Variants in WDR47 observed in about 807,000 individuals in gnomAD.
WDR47 encodes the protein WD repeat domain 47, also known as WD repeat-containing protein 47.
WDR47 carries 32 observed loss-of-function variants against 97.2 expected under a neutral mutation model. That is an observed-to-expected ratio of 0.33 (90% CI 0.25 to 0.44). The LOEUF (loss-of-function observed/expected upper bound fraction) is 0.44. WDR47 is among the 20% of genes least tolerant of loss of function. The pLI is 1.00. For missense variants in WDR47, 782 were observed against 1,102.3 expected, an observed-to-expected ratio of 0.71 and a Z score of 4.11; for synonymous variants, 375 against 373.5, an observed-to-expected ratio of 1.00 and a Z score of -0.05.
intron 4 of WDR47, 88 bp from the exon 5 acceptor site, chr1:109,011,806 T>C (rs560118709): frequency 3.2e-6 from 4 of 1,242,938 alleles, no homozygotes; most frequent in Middle Eastern, 2.9e-4. Flanking sequence ...GAATAAATTA[T>C]ATTGCCACAG....
chr1:109,001,450 A>G (rs1039643007), intron 7 of WDR47, among the ~76,000 whole-genome samples: 2 of 152,230 alleles, frequency 1.3e-5, no homozygotes, highest in Non-Finnish European at 2.9e-5. Flanking sequence ...ATCAAAAAAA[A>G]TCTGTAGGTT....
intron 7 of WDR47, among the ~76,000 whole-genome samples, chr1:108,996,537 T>C (rs978924616): frequency 2.0e-5 from 3 of 152,218 alleles, no homozygotes; most frequent in Non-Finnish European, 2.9e-5. Flanking sequence ...TCCATCTGTC[T>C]TGAGTAGTAT....
intron 2 of WDR47, among the ~76,000 whole-genome samples, chr1:109,021,686 C>T (rs1661852915): frequency 6.6e-6 from 1 of 151,844 alleles, no homozygotes; most frequent in African/African-American, 2.4e-5. Context: ...ACCACTATGC[C>T]CAGCTAATTT....
At chr1:109,001,638 C>T (rs2101901232) in intron 7 of WDR47, among the ~76,000 whole-genome samples, 1 of 152,182 alleles carries the variant, frequency 6.6e-6, no homozygotes, top group Admixed American at 6.5e-5. Flanking sequence ...GCCTGTAATT[C>T]CTGCACTTTG....
intron 7 of WDR47, among the ~76,000 whole-genome samples, chr1:108,996,387 A>AT (rs1659750188): frequency 2.0e-5 from 3 of 152,308 alleles, no homozygotes; most frequent in African/African-American, 7.2e-5. Flanking sequence ...AGCTTTTACA[A>AT]TAAAAACAGA....
intron 3 of WDR47, 150 bp from the exon 4 acceptor site, chr1:109,014,075 A>G: frequency 1.8e-6 from 1 of 558,020 alleles, no homozygotes; most frequent in Non-Finnish European, 3.1e-6. Context: ...AAGTTCAGTC[A>G]CAAGTAATCA....
intron 13 of WDR47, among the ~76,000 whole-genome samples, chr1:108,981,177 G>A (rs1392709780): frequency 6.6e-6 from 1 of 151,878 alleles, no homozygotes; most frequent in Non-Finnish European, 1.5e-5. Flanking sequence ...ACAGTACATG[G>A]AACAATCCAA....
At chr1:108,999,068 A>G (rs933091932) in intron 7 of WDR47, among the ~76,000 whole-genome samples, 1 of 152,150 alleles carries the variant, frequency 6.6e-6, no homozygotes, top group African/African-American at 2.4e-5. Context: ...TCTACTAAAA[A>G]TACAAAAAAT....
intron 9 of WDR47, among the ~76,000 whole-genome samples, chr1:108,987,740 T>G (rs1658950307): frequency 6.6e-6 from 1 of 151,622 alleles, no homozygotes; most frequent in African/African-American, 2.4e-5. Flanking sequence ...AGTGCTGGGA[T>G]TACAGGCATG....
intron 7 of WDR47, among the ~76,000 whole-genome samples, chr1:108,997,785 G>A (rs928889521): frequency 2.7e-5 from 4 of 150,496 alleles, no homozygotes; most frequent in Non-Finnish European, 4.4e-5. Context: ...AAGAAAGAAG[G>A]AAGGAAAGGA....
At chr1:109,004,832 G>T (rs1660474256) in intron 5 of WDR47, 117 bp from the exon 6 acceptor site, 1 of 1,262,302 alleles carries the variant, frequency 7.9e-7, no homozygotes, top group Non-Finnish European at 1.0e-6. Flanking sequence ...GTCTCTCTCT[G>T]TAGCCCCGAC....
intron 14 of WDR47, 73 bp from the exon 15 acceptor site, chr1:108,971,645 C>CT: frequency 6.5e-7 from 1 of 1,528,944 alleles, no homozygotes; most frequent in Non-Finnish European, 8.9e-7. Context: ...CTTCCTGTTA[C>CT]TTTAAGACAT....
At chr1:108,972,333 C>T (rs1190879059) in intron 14 of WDR47, among the ~76,000 whole-genome samples, 1 of 152,050 alleles carries the variant, frequency 6.6e-6, no homozygotes, top group Non-Finnish European at 1.5e-5. Context: ...CTGAACTATT[C>T]CAACAGCCTC....
chr1:109,001,371 T>C (rs1660175917), intron 7 of WDR47, among the ~76,000 whole-genome samples: 1 of 152,106 alleles, frequency 6.6e-6, no homozygotes, highest in Admixed American at 6.6e-5. Context: ...ATTTCTCCTA[T>C]AATTGGAAAC....
chr1:108,988,522 T>G (rs970630671), intron 9 of WDR47, among the ~76,000 whole-genome samples: 9 of 149,382 alleles, frequency 6.0e-5, no homozygotes, highest in African/African-American at 2.0e-4. Context: ...AAAAGAAAAA[T>G]AATACAAAAA....
At chr1:108,993,936 G>A (rs1659557867) in intron 8 of WDR47, among the ~76,000 whole-genome samples, 1 of 152,220 alleles carries the variant, frequency 6.6e-6, no homozygotes, top group African/African-American at 2.4e-5. Flanking sequence ...GGCACTACAT[G>A]ACCCAGTTGT....
chr1:108,992,283 T>C, intron 8 of WDR47: 1 of 858,920 alleles, frequency 1.2e-6, no homozygotes, highest in Non-Finnish European at 2.0e-6. Context: ...TCTGTGAAAA[T>C]GGTTCGCTAT....
chr1:109,031,755 C>T, intron 1 of WDR47, among the ~76,000 whole-genome samples: 1 of 134,996 alleles, frequency 7.4e-6, no homozygotes, highest in South Asian at 2.4e-4. Context: ...CCCAAGACCT[C>T]TTCTCAGATC....
chr1:109,016,640 G>C (rs1292779126), intron 3 of WDR47, among the ~76,000 whole-genome samples: 1 of 152,094 alleles, frequency 6.6e-6, no homozygotes, highest in Non-Finnish European at 1.5e-5. Context: ...CCACAAGAGG[G>C]GAGAAAGAGT....
Sources: allele counts gnomAD v4.1 joint callset (sites outside exome capture counted in the v4.1 genomes callset), GRCh38; gene constraint gnomAD v4.1.1; transcripts MANE v1.5; gene names NCBI Gene and HGNC (gene_info 2026-07-23, HGNC 2026-07-21).